HS1BP3: variants seen among roughly 807,000 people sequenced by gnomAD.
HS1BP3 encodes the protein HCLS1 binding protein 3.
A neutral mutation model predicts 33.5 loss-of-function variants in HS1BP3; 32 were observed. The observed-to-expected ratio is 0.95, with a 90% confidence interval of 0.72 to 1.28. The LOEUF (loss-of-function observed/expected upper bound fraction) is 1.28, where lower values mean the gene tolerates loss of function less well. Among genes scored for constraint, HS1BP3 ranks in the 50% most tolerant of loss-of-function variants. The pLI is 0.00. For synonymous variants in HS1BP3, 187 were observed against 209.2 expected, an observed-to-expected ratio of 0.89 and a Z score of 0.92; for missense variants, 486 against 502.3, an observed-to-expected ratio of 0.97 and a Z score of 0.31.
downstream of HS1BP3, among the ~76,000 whole-genome samples, chr2:20,616,111 G>T (rs1004068007): frequency 6.6e-6 from 1 of 152,208 alleles, no homozygotes; most frequent in Non-Finnish European, 1.5e-5. Flanking sequence ...ATAAACAAGT[G>T]TTGTTGTCCC....
downstream of HS1BP3, among the ~76,000 whole-genome samples, chr2:20,556,139 T>C (rs12619827): frequency 0.76 from 115,882 of 152,198 alleles, 46,718 homozygotes; most frequent in Non-Finnish European, 0.88. Context: ...GTTCTGAATA[T>C]GCTTAGATCT....
chr2:20,567,525 C>T (rs1191487706), intron 5 of HS1BP3, among the ~76,000 whole-genome samples: 2 of 42,714 alleles, frequency 4.7e-5, no homozygotes, highest in Non-Finnish European at 8.9e-5. Flanking sequence ...GCATGTGGTG[C>T]TGGCAGCCAA....
chr2:20,578,767 G>A (rs777857636), intron 5 of HS1BP3, among the ~76,000 whole-genome samples: 6 of 152,220 alleles, frequency 3.9e-5, no homozygotes, highest in African/African-American at 7.2e-5. Context: ...GACAGGGGAG[G>A]AAACTGAGGC....
intron 1 of HS1BP3, among the ~76,000 whole-genome samples, chr2:20,648,690 G>A (rs1226896888): frequency 6.6e-6 from 1 of 152,090 alleles, no homozygotes; most frequent in Non-Finnish European, 1.5e-5. Context: ...CCATTTCCGA[G>A]CCAATGGCTC....
intron 3 of HS1BP3, among the ~76,000 whole-genome samples, chr2:20,594,264 G>T (rs151124659): frequency 8.7e-4 from 133 of 152,344 alleles, no homozygotes; most frequent in Admixed American, 7.0e-3. Flanking sequence ...GCTAAGGCTG[G>T]GTTAGATGCT....
In HS1BP3 at chr2:20,641,005, A is replaced by T; in HGVS notation, c.374T>A (p.Leu125Ter). 6.2e-7 allele frequency: 1 copy of T among 1,614,186 alleles called. No individual in the cohort carries two copies. The highest frequency in any genetic ancestry group is 8.5e-7 in the Non-Finnish European group (1 of 1,180,034). ...CTCTAGCAGCTCTGGGCTGCCTGCC[A>T]ACTCGGCATCCTTGGAGACACAGCG... ...ILRCVSKDAE[L>*]AGSPELLEFL... Residue 125 changes from leucine (L) to a stop codon, truncating the protein, a stop_gained, in exon 3 of 7, where the codon TTG (leucine) becomes TAG (stop). Coordinates refer to ENST00000304031, the MANE Select transcript of HS1BP3 (RefSeq NM_022460.4). LOFTEE classifies it high-confidence loss of function.
chr2:20,629,798 C>T (rs1167517890), intron 4 of HS1BP3, among the ~76,000 whole-genome samples: 4 of 152,230 alleles, frequency 2.6e-5, no homozygotes, highest in Admixed American at 6.5e-5. Flanking sequence ...GTTCTGCAGG[C>T]GGGCGTGCAG....
chr2:20,636,218 G>A (rs2149298971), intron 4 of HS1BP3: 1 of 152,402 alleles, frequency 6.6e-6, no homozygotes, highest in East Asian at 1.9e-4. Context: ...CACCAAGAGA[G>A]ATCAACAAGC....
intron 4 of HS1BP3, among the ~76,000 whole-genome samples, chr2:20,628,348 C>T (rs111435038): frequency 0.014 from 2,107 of 152,100 alleles, 38 homozygotes; most frequent in African/African-American, 0.046. Flanking sequence ...CCAGCACTTT[C>T]GGAGGCTGAG....
rs565003412 is a variant in HS1BP3 at position 20,594,963 on chromosome 2, C to A, written c.*13-2169G>T. Among the ~76,000 whole-genome samples the A allele has an allele frequency of 8.5e-5, 13 of 152,274 alleles. No homozygotes were observed. In the South Asian group the frequency reaches 2.5e-3, roughly 29 times the overall value. ...AAAGGCCCCACCTCCCATACCCTCACCTTGCTGGAGAGAATTTCAACATAC... is the reference window on the plus strand; with the variant it reads ...AAAGGCCCCACCTCCCATACCCTCAACTTGCTGGAGAGAATTTCAACATAC... On this transcript the variant is annotated intron_variant, in intron 3 of 3. Coordinates refer to the HS1BP3 transcript ENST00000415264.
chr2:20,563,311 G>T (rs1375612261), intron 5 of HS1BP3, among the ~76,000 whole-genome samples: 2 of 152,244 alleles, frequency 1.3e-5, no homozygotes, highest in African/African-American at 4.8e-5. Flanking sequence ...GCCCAGAGAG[G>T]GAAGGGCCAC....
At chr2:20,648,306 TCTC>T (rs1695579643) in intron 1 of HS1BP3, among the ~76,000 whole-genome samples, 1 of 152,316 alleles carries the variant, frequency 6.6e-6, no homozygotes, top group African/African-American at 2.4e-5. Flanking sequence ...CATGGGTTCC[TCTC>T]CTCCTGTTTG....
chr2:20,571,131 T>C lies in HS1BP3; in HGVS notation c.303-10616A>G, dbSNP rs1693260176. Among the ~76,000 whole-genome samples the C allele has an allele frequency of 2.0e-5, 3 of 152,200 alleles. No individual in the cohort carries two copies. The South Asian group carries it at 6.2e-4, about 31-fold the overall frequency. ...CCAGGCCTTGAGGCTTAGTGTTTGC[T>C]AGACTTTGCGGTTAAAGGAAAAAAC... On this transcript the variant is annotated intron_variant, in intron 5 of 5. Transcript: ENST00000446825.
At chr2:20,621,110 T>A (rs1018405034) in intron 6 of HS1BP3, among the ~76,000 whole-genome samples, 1 of 152,222 alleles carries the variant, frequency 6.6e-6, no homozygotes, top group Non-Finnish European at 1.5e-5. Flanking sequence ...GGCAGGCTCA[T>A]GAGCAGCGGC....
chr2:20,610,842 C>T (rs1021145957), intron 2 of HS1BP3, among the ~76,000 whole-genome samples: 4 of 152,158 alleles, frequency 2.6e-5, no homozygotes, highest in Admixed American at 2.0e-4. Context: ...TCAAATGTTC[C>T]CATTTTAAGT....
chr2:20,616,340 C>G (rs866518812), downstream of HS1BP3, among the ~76,000 whole-genome samples: 18 of 152,196 alleles, frequency 1.2e-4, no homozygotes, highest in African/African-American at 4.1e-4. Context: ...TTCTAGTTCT[C>G]TAGTGGATTT....
At chr2:20,599,609 A>AACACACACACACACACAC (rs59149167) in intron 2 of HS1BP3, among the ~76,000 whole-genome samples, 1 of 136,220 alleles carries the variant, frequency 7.3e-6, no homozygotes, top group Non-Finnish European at 1.6e-5. Flanking sequence ...CTTCTTGTGT[A>AACACACACACACACACAC]ACACACACAC....
At chr2:20,567,583 A>G (rs1031915372) in intron 5 of HS1BP3, among the ~76,000 whole-genome samples, 18 of 152,072 alleles carry the variant, frequency 1.2e-4, no homozygotes, top group Non-Finnish European at 1.8e-4. Context: ...TGGCATAAAG[A>G]CCTACTTCCC....
chr2:20,571,940 C>G (rs567167592), intron 5 of HS1BP3, among the ~76,000 whole-genome samples: 1 of 152,358 alleles, frequency 6.6e-6, no homozygotes, highest in Admixed American at 6.5e-5. Flanking sequence ...TGGAGATTCC[C>G]CCTTCTCTCA....
Sources: allele counts gnomAD v4.1 joint callset (sites outside exome capture counted in the v4.1 genomes callset), GRCh38; gene constraint gnomAD v4.1.1; transcripts MANE v1.5; gene names NCBI Gene and HGNC (gene_info 2026-07-23, HGNC 2026-07-21).